ARHGAP29: variants seen among roughly 807,000 people sequenced by gnomAD.
ARHGAP29 encodes Rho GTPase activating protein 29, also known as rho GTPase-activating protein 29.
Under a neutral mutation model 122.6 loss-of-function variants are expected in ARHGAP29, and 43 were observed. That is an observed-to-expected ratio of 0.35 (90% CI 0.27 to 0.45). ARHGAP29 has a LOEUF of 0.45. Among genes scored for constraint, ARHGAP29 ranks in the 20% least tolerant of loss-of-function variants. The pLI is 1.00. For synonymous variants in ARHGAP29, 506 were observed against 497.1 expected, an observed-to-expected ratio of 1.02 and a Z score of -0.24; for missense variants, 1,303 against 1,477.2, an observed-to-expected ratio of 0.88 and a Z score of 1.93.
upstream of ARHGAP29, among the ~76,000 whole-genome samples, chr1:94,242,253 A>T (rs1195795241): frequency 6.6e-6 from 1 of 152,124 alleles, no homozygotes; most frequent in Non-Finnish European, 1.5e-5. Flanking sequence ...AGACCTACTG[A>T]ACACCCCAGG....
At chr1:94,199,665 C>A (rs1414140227) in intron 12 of ARHGAP29, among the ~76,000 whole-genome samples, 3 of 152,074 alleles carry the variant, frequency 2.0e-5, no homozygotes, top group Admixed American at 1.3e-4. Flanking sequence ...GGAGACCATC[C>A]CTATGCTCCA....
the ARHGAP29 span, among the ~76,000 whole-genome samples, chr1:94,307,275 C>T: frequency 6.6e-6 from 1 of 152,174 alleles, no homozygotes; most frequent in Non-Finnish European, 1.5e-5. Flanking sequence ...TCCCCATCTA[C>T]AGGACAATCT....
intron 20 of ARHGAP29, among the ~76,000 whole-genome samples, chr1:94,178,431 C>G (rs1214733836): frequency 6.6e-6 from 1 of 152,062 alleles, no homozygotes; most frequent in Admixed American, 6.6e-5. Flanking sequence ...AAAAATACCC[C>G]TAAAAACTGC....
intron 12 of ARHGAP29, among the ~76,000 whole-genome samples, chr1:94,198,854 T>TA (rs1258888228): frequency 2.0e-5 from 3 of 152,200 alleles, no homozygotes; most frequent in Non-Finnish European, 4.4e-5. Flanking sequence ...CTAACATTTT[T>TA]ATGGAAGGTC....
rs879105019 is a variant in ARHGAP29 at position 94,173,843 on chromosome 1, C to A, written c.*26G>T. ...ATACCACAAAATAACACAACAACAA[C>A]AAAAAAACCCTGAAATTTGACATCC... On this transcript the variant is annotated 3_prime_UTR_variant, in exon 23 of 23. Transcript: ENST00000260526. 3 of 1,562,890 alleles carry A rather than the reference C, an allele frequency of 1.9e-6. No homozygotes were observed. The highest frequency in any genetic ancestry group is 1.4e-5 in the African/African-American group (1 of 72,966).
chr1:94,189,068 G>A, intron 14 of ARHGAP29, 127 bp from the exon 15 acceptor site: 2 of 1,325,804 alleles, frequency 1.5e-6, no homozygotes, highest in Non-Finnish European at 2.1e-6. Flanking sequence ...GTTAAGACAG[G>A]CACCATGGTA....
chr1:94,302,531 G>T, the ARHGAP29 span: 1 of 319,280 alleles, frequency 3.1e-6, no homozygotes, highest in Non-Finnish European at 6.2e-6. Context: ...GCATCATGAA[G>T]CGACTCAGCA....
intron 19 of ARHGAP29, among the ~76,000 whole-genome samples, chr1:94,182,139 TA>T (rs1649508710): frequency 6.6e-6 from 1 of 151,498 alleles, no homozygotes; most frequent in African/African-American, 2.4e-5. Flanking sequence ...TGGCAGTCAT[TA>T]AAAAAGGAAG....
In ARHGAP29 at chr1:94,220,967, C is replaced by T. The variant is rs572327684; in HGVS notation, c.206-575G>A. On this transcript the variant is annotated intron_variant, in intron 2 of 22. Coordinates refer to ENST00000260526, the MANE Select transcript of ARHGAP29 (RefSeq NM_004815.4). Reference sequence around the variant, plus strand: ...TCAAAATCTTTTACACTCAGGGCCACATTCCTCCTTGGCCACAGTAGCTAG... The same window carrying T: ...TCAAAATCTTTTACACTCAGGGCCATATTCCTCCTTGGCCACAGTAGCTAG... 6.6e-5 allele frequency among the ~76,000 whole-genome samples: 10 copies of T among 152,252 alleles called. No homozygotes were observed. The East Asian group carries it at 1.9e-3, about 29-fold the overall frequency.
Position 94,245,373 on chromosome 1 carries a change from C to T in ARHGAP29, c.-32-13730G>A, listed in dbSNP as rs549274890. Among the ~76,000 whole-genome samples the T allele has an allele frequency of 2.6e-5, 4 of 152,152 alleles. No individual in the cohort carries two copies. The South Asian group carries it at 8.3e-4, about 32-fold the overall frequency. ...ATAAACAAACTGTGGTACAGCCTTACGATGGAATACTATTTAACATTACAT... is the reference window on the plus strand; with the variant it reads ...ATAAACAAACTGTGGTACAGCCTTATGATGGAATACTATTTAACATTACAT... On this transcript the variant is annotated intron_variant and NMD_transcript_variant, in intron 1 of 25. Coordinates refer to the ARHGAP29 transcript ENST00000552844.
chr1:94,179,925 G>C lies in ARHGAP29; in HGVS notation c.2280C>G (p.Tyr760Ter), dbSNP rs1483059896. The C allele has an allele frequency of 6.2e-7, 1 of 1,607,380 alleles. No homozygotes were observed. Among genetic ancestry groups the C allele is most frequent in the Non-Finnish European group, 8.5e-7 (1 of 1,178,230 alleles). ...CTTTTGCAAGGTCTATAAATTCCTT[G>C]TACAATCGAAATAAAATAAATGGTT... ...LPEPFILFRL[Y>*]KEFIDLAKEI... The change falls in exon 20 of 23, where the codon TAC becomes TAG. Residue 760 changes from tyrosine (Y) to a stop codon, truncating the protein, a stop_gained. Coordinates refer to ENST00000260526, the MANE Select transcript of ARHGAP29 (RefSeq NM_004815.4). LOFTEE classifies it high-confidence loss of function.
intron 3 of ARHGAP29, among the ~76,000 whole-genome samples, chr1:94,212,982 C>A (rs1411936023): frequency 6.6e-6 from 1 of 152,056 alleles, no homozygotes; most frequent in Non-Finnish European, 1.5e-5. Context: ...TCAAATCTTT[C>A]CTATGTGAAA....
rs1648949707 is a variant in ARHGAP29, at chr1:94,174,340, T to G, written c.3315A>C (p.Lys1105Asn). 2 of 1,614,018 alleles carry G rather than the reference T, an allele frequency of 1.2e-6. No individual in the cohort carries two copies. Among genetic ancestry groups the G allele is most frequent in the Non-Finnish European group, 1.7e-6 (2 of 1,180,024 alleles). Reference protein sequence around the residue: ...TMIMPSALQEKGVTTSLQISG... With the variant: ...TMIMPSALQENGVTTSLQISG... ...TAATCTGGAGGCTTGTTGTCACTCC[T>G]TTTTCCTGGAGTGCACTGGGCATGA... The change falls in exon 23 of 23, where the codon AAA (lysine) becomes AAC (asparagine). Residue 1105 changes from lysine (K) to asparagine (N), a missense_variant. Physicochemically the swap from Lys to Asn is moderately conservative, Grantham distance 94 (BLOSUM62 0). This residue lies in a region of ARHGAP29 where 620 missense variants were observed against 651.2 expected (regional missense o/e 0.95). Coordinates refer to ENST00000260526, the MANE Select transcript of ARHGAP29 (RefSeq NM_004815.4).
intron 3 of ARHGAP29, among the ~76,000 whole-genome samples, chr1:94,209,765 A>G (rs944048683): frequency 6.6e-6 from 1 of 152,036 alleles, no homozygotes; most frequent in Admixed American, 6.6e-5. Flanking sequence ...TGAAGGCAAT[A>G]TGAGGTACAT....
chr1:94,263,596 A>G (rs1756246), intron 1 of ARHGAP29, among the ~76,000 whole-genome samples: 151,827 of 152,270 alleles, frequency 1, 75,697 homozygotes, highest in Middle Eastern at 1. Flanking sequence ...ATATGTTTAT[A>G]TTTTCTGCTT....
At chr1:94,305,573 A>G in the ARHGAP29 span, among the ~76,000 whole-genome samples, 1 of 152,202 alleles carries the variant, frequency 6.6e-6, no homozygotes, top group Admixed American at 6.5e-5. Context: ...TGAAGGATGA[A>G]CAAGACTATT....
chr1:94,235,284 TAC>T (rs1354267851), intron 1 of ARHGAP29, among the ~76,000 whole-genome samples: 1 of 152,146 alleles, frequency 6.6e-6, no homozygotes, highest in African/African-American at 2.4e-5. Flanking sequence ...GCTGGAACAA[TAC>T]ACACTTTCCA....
chr1:94,244,581 G>T (rs977434403), intron 1 of ARHGAP29, among the ~76,000 whole-genome samples: 3 of 151,914 alleles, frequency 2.0e-5, no homozygotes, highest in Non-Finnish European at 2.9e-5. Context: ...ACAAGAGAAA[G>T]AAATAAAATG....
chr1:94,244,204 C>CAA lies in ARHGAP29; in HGVS notation c.-32-12563_-32-12562dup, dbSNP rs548921306. Among the ~76,000 whole-genome samples, 21 of 137,904 alleles carry CAA rather than the reference C, an allele frequency of 1.5e-4. 1 individual carries two copies. The highest frequency in any genetic ancestry group is 9.3e-4 in the South Asian group (4 of 4,280). The allele number at this position is 137,904 out of a possible 152,430, so 90.5% of individuals were successfully genotyped here. ...TACCAAAACCAGACAAAGACATTACCAAAAAAAAAAACCACACACAAAAAA... is the reference window on the plus strand; with the variant it reads ...TACCAAAACCAGACAAAGACATTACCAAAAAAAAAAAAACCACACACAAAAAA... On this transcript the variant is annotated intron_variant and NMD_transcript_variant, in intron 1 of 25. Coordinates refer to the ARHGAP29 transcript ENST00000552844.
Sources: gnomAD v4.1 joint callset for allele counts (sites outside exome capture counted in the v4.1 genomes callset) on GRCh38, gnomAD v4.1.1 for gene constraint, gnomAD v4.1.1 regional missense constraint, MANE v1.5 for transcripts, NCBI Gene and HGNC (gene_info 2026-07-23, HGNC 2026-07-21) for gene names.